Variants in SETD2 observed in about 807,000 individuals in gnomAD.
SETD2 encodes histone-lysine N-methyltransferase SETD2.
Under a neutral mutation model 242.1 loss-of-function variants are expected in SETD2, and 31 were observed. That is an observed-to-expected ratio of 0.13 (90% CI 0.10 to 0.17). SETD2 has a LOEUF of 0.17. Ranked by LOEUF, SETD2 falls within the 10% of genes least tolerant of loss-of-function variation. The pLI is 1.00. For missense variants in SETD2, 2,481 were observed against 3,046.3 expected, an observed-to-expected ratio of 0.81 and a Z score of 4.37; for synonymous variants, 1,006 against 1,066.5, an observed-to-expected ratio of 0.94 and a Z score of 1.11.
rs2040360763 is a variant in SETD2 at position 47,062,158 on chromosome 3, C to A, written c.6293+5G>T. 6.2e-7 allele frequency: 1 copy of A among 1,612,052 alleles called. No homozygotes were observed. The highest frequency in any genetic ancestry group is 8.5e-7 in the Non-Finnish European group (1 of 1,179,466). ...AAAACAAAAAAACTCACACAGGCCACTTACCTGTCATCTGGCCTTTTTGTT... is the reference window on the plus strand; with the variant it reads ...AAAACAAAAAAACTCACACAGGCCAATTACCTGTCATCTGGCCTTTTTGTT... On this transcript the variant is annotated splice_donor_5th_base_variant and intron_variant, in intron 14 of 20. Transcript: ENST00000409792.
chr3:47,038,878 G>T (rs957589425), intron 17 of SETD2, among the ~76,000 whole-genome samples: 5 of 152,134 alleles, frequency 3.3e-5, no homozygotes, highest in African/African-American at 9.7e-5. Flanking sequence ...AAGCCTCAAA[G>T]GATCTAACAA....
intron 15 of SETD2, among the ~76,000 whole-genome samples, 170 bp downstream of exon 15, chr3:47,056,651 C>T (rs1420844633): frequency 6.6e-6 from 1 of 152,160 alleles, no homozygotes; most frequent in African/African-American, 2.4e-5. Flanking sequence ...TACTTATTGT[C>T]TTAAGCTGAC....
At chr3:47,077,210 G>A (rs1312488238) in intron 12 of SETD2, among the ~76,000 whole-genome samples, 4 of 152,028 alleles carry the variant, frequency 2.6e-5, no homozygotes, top group East Asian at 1.9e-4. Context: ...TCAGCCTCCC[G>A]AGTAGCTGGG....
At chr3:47,049,332 TA>T in intron 15 of SETD2, among the ~76,000 whole-genome samples, 1 of 122,078 alleles carries the variant, frequency 8.2e-6, no homozygotes, top group African/African-American at 4.0e-5. Context: ...TATATATATA[TA>T]TATATATATA....
rs1559701946 is a variant in SETD2, at chr3:47,084,241, T to C, written c.5539A>G (p.Asn1847Asp). The C allele has an allele frequency of 6.2e-7, 1 of 1,614,132 alleles. No individual in the cohort carries two copies. The highest frequency in any genetic ancestry group is 8.5e-7 in the Non-Finnish European group (1 of 1,180,008). Reference protein sequence around the residue: ...LSEGDGYSSENTSRAHTPLNT... With the variant: ...LSEGDGYSSEDTSRAHTPLNT... The stretch of plus-strand genomic sequence containing the variant: ...AGTGGTGTATGAGCACGCGATGTAT[T>C]CTCACTAGAATACCCATCTCCTTCA... Residue 1847 changes from asparagine to aspartate, a missense_variant, in exon 12 of 21, where the codon AAT becomes GAT. By Grantham distance (23) the Asn-to-Asp change is conservative (BLOSUM62 1). This residue lies in a region of SETD2 where 203 missense variants were observed against 222.4 expected (regional missense o/e 0.91). Coordinates refer to ENST00000409792, the MANE Select transcript of SETD2 (RefSeq NM_014159.7).
At chr3:47,146,564 T>C (rs1313391962) in intron 1 of SETD2, among the ~76,000 whole-genome samples, 1 of 148,668 alleles carries the variant, frequency 6.7e-6, no homozygotes, top group African/African-American at 2.5e-5. Flanking sequence ...GAGGCAGAGG[T>C]TGCAGTAAGC....
chr3:47,093,663 C>A (rs568733411), intron 9 of SETD2, among the ~76,000 whole-genome samples: 1 of 152,100 alleles, frequency 6.6e-6, no homozygotes, highest in Admixed American at 6.6e-5. Context: ...TTCTGATATA[C>A]ATTATAGCTA....
At chr3:47,037,460 C>T (rs1181750061) in intron 18 of SETD2, among the ~76,000 whole-genome samples, 2 of 151,894 alleles carry the variant, frequency 1.3e-5, no homozygotes, top group South Asian at 2.1e-4. Flanking sequence ...AGGACATGAA[C>T]TCATCATTTT....
chr3:47,066,713 C>G (rs572461509), intron 13 of SETD2, among the ~76,000 whole-genome samples: 1 of 151,418 alleles, frequency 6.6e-6, no homozygotes, highest in South Asian at 2.1e-4. Context: ...TTAAGAATGT[C>G]TGCTCTATCT....
At chr3:47,140,559 T>C (rs566517341) in intron 1 of SETD2, among the ~76,000 whole-genome samples, 4 of 152,286 alleles carry the variant, frequency 2.6e-5, no homozygotes, top group African/African-American at 4.8e-5. Context: ...AGCCAGTGAA[T>C]CACACAGAAA....
In SETD2 at chr3:47,116,715, C is replaced by A. The variant is rs2107728692; in HGVS notation, c.4494G>T (p.Gln1498His). 1 of 1,607,128 alleles carries A rather than the reference C, an allele frequency of 6.2e-7. No homozygotes were observed. The change falls in exon 4 of 21, where the codon CAG (glutamine) becomes CAT (histidine). Residue 1498 changes from glutamine (Q) to histidine (H), a missense_variant. This residue lies in a region of SETD2 where 48 missense variants were observed against 76.6 expected (regional missense o/e 0.63). Coordinates refer to ENST00000409792, the MANE Select transcript of SETD2 (RefSeq NM_014159.7). ...CTTTAGAAAGAGGTGTACACTCACA[C>A]TGCATTCGCTTAATATCTCGATGAG... ...NKSHRDIKRM[Q>H]CECTPLSKDE...
rs777794974 is a variant in SETD2 at position 47,105,973 on chromosome 3, G to A, written c.4839+24C>T. Reference sequence around the variant, plus strand: ...TTCAAACCTAACAGATCTGTTTCAAGGCAAACATATCCAAGCTGCTTACCT... The same window carrying A: ...TTCAAACCTAACAGATCTGTTTCAAAGCAAACATATCCAAGCTGCTTACCT... On this transcript the variant is annotated intron_variant, in intron 6 of 20. Coordinates refer to ENST00000409792, the MANE Select transcript of SETD2 (RefSeq NM_014159.7). The A allele has an allele frequency of 1.9e-6, 3 of 1,607,606 alleles. No homozygotes were observed. In the East Asian group the frequency reaches 6.7e-5, roughly 36 times the overall value.
intron 1 of SETD2, among the ~76,000 whole-genome samples, chr3:47,153,138 G>GGT (rs1317213974): frequency 2.8e-5 from 4 of 144,660 alleles, no homozygotes; most frequent in Non-Finnish European, 6.1e-5. Context: ...TGGGCAGTGA[G>GGT]GTGAGACCCA....
chr3:47,021,654 C>T (rs1406479046), intron 18 of SETD2, among the ~76,000 whole-genome samples: 2 of 152,176 alleles, frequency 1.3e-5, no homozygotes, highest in African/African-American at 4.8e-5. Flanking sequence ...ATGGAATACT[C>T]TTGAGAGTAC....
At chr3:47,129,548 A>AT (rs1288682980) in intron 1 of SETD2, among the ~76,000 whole-genome samples, 1 of 152,246 alleles carries the variant, frequency 6.6e-6, no homozygotes, top group Non-Finnish European at 1.5e-5. Flanking sequence ...GATCACAGAA[A>AT]AAGTATGGAA....
chr3:47,026,379 T>G (rs1156302295), intron 18 of SETD2, among the ~76,000 whole-genome samples: 2 of 152,184 alleles, frequency 1.3e-5, no homozygotes, highest in Non-Finnish European at 2.9e-5. Context: ...GTTCAACCAT[T>G]GTGGAAGACA....
At chr3:47,100,350 T>C (rs776856194) in intron 8 of SETD2, among the ~76,000 whole-genome samples, 14 of 151,446 alleles carry the variant, frequency 9.2e-5, no homozygotes, top group African/African-American at 1.2e-4. Flanking sequence ...AACCTCCGCC[T>C]CCCAGGTTCA....
At chr3:47,152,207 A>G (rs1212551635) in intron 1 of SETD2, among the ~76,000 whole-genome samples, 2 of 152,202 alleles carry the variant, frequency 1.3e-5, no homozygotes, top group African/African-American at 2.4e-5. Context: ...ATTTTCACCA[A>G]TTTCTAAAAT....
At chr3:47,042,445 C>CA in intron 17 of SETD2, 116 bp downstream of exon 17, 1 of 970,926 alleles carries the variant, frequency 1.0e-6, no homozygotes, top group Non-Finnish European at 1.6e-6. Flanking sequence ...CAGCAGCCTT[C>CA]AAGCACAGTG....
Sources: gnomAD v4.1 joint callset for allele counts (sites outside exome capture counted in the v4.1 genomes callset) on GRCh38, gnomAD v4.1.1 for gene constraint, gnomAD v4.1.1 regional missense constraint, MANE v1.5 for transcripts, NCBI Gene and HGNC (gene_info 2026-07-23, HGNC 2026-07-21) for gene names.